PHF14: variants seen among roughly 807,000 people sequenced by gnomAD.
PHF14 encodes the protein PHD finger protein 14.
PHF14 carries 55 observed loss-of-function variants against 117.9 expected under a neutral mutation model. That is an observed-to-expected ratio of 0.47 (90% CI 0.38 to 0.58). The LOEUF is 0.58. Ranked by LOEUF, PHF14 falls within the 20% of genes least tolerant of loss-of-function variation. The pLI is 0.00. For synonymous variants in PHF14, 409 were observed against 368.6 expected, an observed-to-expected ratio of 1.11 and a Z score of -1.26; for missense variants, 978 against 1,122.2, an observed-to-expected ratio of 0.87 and a Z score of 1.84.
chr7:11,159,191 A>G (rs928059785), intron 17 of PHF14, among the ~76,000 whole-genome samples: 1 of 151,966 alleles, frequency 6.6e-6, no homozygotes, highest in Non-Finnish European at 1.5e-5. Flanking sequence ...TTTTTTGAAT[A>G]TCTGTTATTT....
intron 16 of PHF14, among the ~76,000 whole-genome samples, chr7:11,068,624 A>G (rs1785503984): frequency 6.6e-6 from 1 of 152,160 alleles, no homozygotes. Flanking sequence ...TGGTTGCACA[A>G]CAGTGTGAAT....
At chr7:11,039,663 T>C (rs1784439072) in intron 11 of PHF14, among the ~76,000 whole-genome samples, 1 of 152,152 alleles carries the variant, frequency 6.6e-6, no homozygotes, top group African/African-American at 2.4e-5. Flanking sequence ...TTATGGAGAG[T>C]CAAATTCATC....
At chr7:10,978,134 G>A (rs909189055) in intron 2 of PHF14, among the ~76,000 whole-genome samples, 1 of 152,176 alleles carries the variant, frequency 6.6e-6, no homozygotes, top group African/African-American at 2.4e-5. Context: ...GTCAGCCTGA[G>A]ACTTTGGTGG....
intron 17 of PHF14, among the ~76,000 whole-genome samples, chr7:11,122,213 A>G (rs920513604): frequency 3.3e-5 from 5 of 150,870 alleles, no homozygotes; most frequent in East Asian, 3.9e-4. Flanking sequence ...ATGGCTGCAT[A>G]GTGTTCCATG....
chr7:11,102,596 A>G (rs1562467266), intron 16 of PHF14: 4 of 1,583,910 alleles, frequency 2.5e-6, no homozygotes, highest in Non-Finnish European at 3.4e-6. Flanking sequence ...GATAGAGTAC[A>G]TAAAGTAAAG....
At chr7:11,041,685 T>C (rs1052343226) in intron 12 of PHF14, among the ~76,000 whole-genome samples, 1 of 151,880 alleles carries the variant, frequency 6.6e-6, no homozygotes, top group African/African-American at 2.4e-5. Context: ...CATTAGCACA[T>C]TCTCAGGCCA....
chr7:11,002,824 C>G (rs936318116), intron 4 of PHF14, among the ~76,000 whole-genome samples: 1 of 152,158 alleles, frequency 6.6e-6, no homozygotes, highest in African/African-American at 2.4e-5. Context: ...ATGCTGATGA[C>G]AAAAATTAAC....
intron 17 of PHF14, among the ~76,000 whole-genome samples, chr7:11,129,401 A>C (rs1255178016): frequency 1.3e-5 from 2 of 152,070 alleles, no homozygotes; most frequent in Non-Finnish European, 2.9e-5. Flanking sequence ...TTAACATTTA[A>C]TAGTACCTGT....
At chr7:11,169,227 AT>A (rs1252600284) in intron 17 of PHF14, among the ~76,000 whole-genome samples, 188 bp from the exon 18 acceptor site, 3 of 152,252 alleles carry the variant, frequency 2.0e-5, no homozygotes, top group Non-Finnish European at 4.4e-5. Flanking sequence ...CATACAGAAA[AT>A]TTTAATGTGT....
intron 17 of PHF14, among the ~76,000 whole-genome samples, chr7:11,162,358 G>A (rs546671055): frequency 1.3e-5 from 2 of 152,126 alleles, no homozygotes; most frequent in South Asian, 4.2e-4. Context: ...CCACAGTGCC[G>A]GGATTACAGG....
intron 2 of PHF14, among the ~76,000 whole-genome samples, chr7:10,975,420 T>G (rs1467133671): frequency 6.6e-6 from 1 of 152,194 alleles, no homozygotes; most frequent in East Asian, 1.9e-4. Context: ...GCACTTCAAA[T>G]TATAGTAGGT....
intron 4 of PHF14, among the ~76,000 whole-genome samples, chr7:10,997,178 C>A (rs1489417463): frequency 6.6e-6 from 1 of 152,104 alleles, no homozygotes; most frequent in Admixed American, 6.5e-5. Flanking sequence ...TTTTATTGAT[C>A]TCATTTTGTT....
rs746865124 is a variant in PHF14 at position 11,062,091 on chromosome 7, T to C, written c.2654+6T>C. On this transcript the variant is annotated splice_donor_region_variant and intron_variant, in intron 16 of 17. Coordinates refer to ENST00000634607, the MANE Select transcript of PHF14 (RefSeq NM_001007157.2). The stretch of plus-strand genomic sequence containing the variant: ...GACAATGAAAATCTTGTCAGGTAAG[T>C]TGGATGCTAAAACCTTGTCTTTAGG... 4 of 1,602,884 alleles carry C rather than the reference T, an allele frequency of 2.5e-6. No individual in the cohort carries two copies. Among genetic ancestry groups the C allele is most frequent in the Non-Finnish European group, 2.6e-6 (3 of 1,174,734 alleles).
chr7:11,028,715 G>T lies in PHF14; in HGVS notation c.1352G>T (p.Arg451Ile). Reference sequence around the variant, plus strand: ...TTTTGTGAAGACCCTCGCTTTGCTAGAACTGGGGTTTGCATTAGCTGTGAT... The same window carrying T: ...TTTTGTGAAGACCCTCGCTTTGCTATAACTGGGGTTTGCATTAGCTGTGAT... ...CSFCEDPRFA[R>I]TGVCISCDAG... The change falls in exon 7 of 18, where the codon AGA becomes ATA. Residue 451 changes from arginine (R) to isoleucine (I), a missense_variant. By Grantham distance (97) the Arg-to-Ile change is moderately conservative. Coordinates refer to ENST00000634607, the MANE Select transcript of PHF14 (RefSeq NM_001007157.2). 1 of 1,613,776 alleles carries T rather than the reference G, an allele frequency of 6.2e-7. No homozygotes were observed. The highest frequency in any genetic ancestry group is 8.5e-7 in the Non-Finnish European group (1 of 1,179,774).
intron 17 of PHF14, among the ~76,000 whole-genome samples, 154 bp from the exon 18 acceptor site, chr7:11,169,255 TATTGCAA>T (rs1319055488): frequency 6.6e-6 from 1 of 152,224 alleles, no homozygotes; most frequent in African/African-American, 2.4e-5. Flanking sequence ...AAACAGCACC[TATTGCAA>T]ATATTTAAAT....
chr7:11,042,841 G>T, intron 13 of PHF14, 27 bp downstream of exon 13: 4 of 1,489,488 alleles, frequency 2.7e-6, no homozygotes, highest in Non-Finnish European at 3.7e-6. Flanking sequence ...AGATTTAGAT[G>T]TTTGAATTGA....
chr7:11,030,276 A>C (rs1238536230), intron 7 of PHF14, among the ~76,000 whole-genome samples: 1 of 152,118 alleles, frequency 6.6e-6, no homozygotes, highest in Non-Finnish European at 1.5e-5. Context: ...AGAGGACCAG[A>C]TAAATACTAC....
chr7:11,137,590 CTTTTTTTT>C (rs5882293), intron 17 of PHF14, among the ~76,000 whole-genome samples: 12 of 93,964 alleles, frequency 1.3e-4, no homozygotes, highest in Non-Finnish European at 2.2e-4. Context: ...CTTAAAAATT[CTTTTTTTT>C]TTTTTTTTTT....
At chr7:10,998,826 A>AT (rs1198415223) in intron 4 of PHF14, among the ~76,000 whole-genome samples, 1 of 151,970 alleles carries the variant, frequency 6.6e-6, no homozygotes, top group Non-Finnish European at 1.5e-5. Flanking sequence ...CACTATCTCT[A>AT]TTTTTCTCTG....
Sources: gnomAD v4.1 joint callset for allele counts (sites outside exome capture counted in the v4.1 genomes callset) on GRCh38, gnomAD v4.1.1 for gene constraint, MANE v1.5 for transcripts, NCBI Gene and HGNC (gene_info 2026-07-23, HGNC 2026-07-21) for gene names.